Variants in ARHGAP24 observed in about 807,000 individuals in gnomAD.
ARHGAP24 encodes Rho GTPase activating protein 24.
Under a neutral mutation model 76.4 loss-of-function variants are expected in ARHGAP24, and 50 were observed. That is an observed-to-expected ratio of 0.65 (90% confidence interval 0.52 to 0.83). The LOEUF (loss-of-function observed/expected upper bound fraction) is 0.83, where lower values mean the gene tolerates loss of function less well. ARHGAP24 is among the 40% of genes least tolerant of loss of function. The pLI, the probability that ARHGAP24 is intolerant of heterozygous loss-of-function variation, is 0.00. For missense variants in ARHGAP24, 930 were observed against 914.2 expected (o/e 1.02, Z -0.22); for synonymous variants, 345 against 323.3 (o/e 1.07, Z -0.72).
At chr4:85,763,417 C>T (rs1726812008) in intron 3 of ARHGAP24, among the ~76,000 whole-genome samples, 1 of 152,064 alleles carries the variant, frequency 6.6e-6, no homozygotes, top group Non-Finnish European at 1.5e-5. Flanking sequence ...CCATTAGATC[C>T]ACCCTGGTGC....
chr4:85,839,953 G>C (rs1293099797), intron 3 of ARHGAP24, among the ~76,000 whole-genome samples: 2 of 144,468 alleles, frequency 1.4e-5, no homozygotes, highest in African/African-American at 5.1e-5. Context: ...GGGTTCAAGC[G>C]ATTCTCCTGC....
chr4:85,700,599 G>A (rs886760273), intron 2 of ARHGAP24, among the ~76,000 whole-genome samples: 8 of 152,026 alleles, frequency 5.3e-5, no homozygotes, highest in African/African-American at 1.7e-4. Context: ...ATGGTGGTTG[G>A]GGAGGTGGTG....
At chr4:85,842,655 G>C (rs1413345337) in intron 3 of ARHGAP24, among the ~76,000 whole-genome samples, 1 of 152,192 alleles carries the variant, frequency 6.6e-6, no homozygotes, top group Non-Finnish European at 1.5e-5. Context: ...ACACACGTCA[G>C]CTGTGGCAAA....
intron 8 of ARHGAP24, among the ~76,000 whole-genome samples, chr4:85,992,591 C>T (rs1159915646): frequency 6.6e-6 from 1 of 152,114 alleles, no homozygotes; most frequent in Non-Finnish European, 1.5e-5. Flanking sequence ...ATAATGGAAA[C>T]TGCAAACCTC....
chr4:85,513,159 G>A (rs1560515123), intron 1 of ARHGAP24, among the ~76,000 whole-genome samples: 1 of 152,246 alleles, frequency 6.6e-6, no homozygotes, highest in Non-Finnish European at 1.5e-5. Context: ...TCTCCATCAG[G>A]AGGCAACTCC....
intron 1 of ARHGAP24, among the ~76,000 whole-genome samples, chr4:85,529,266 A>C (rs753263697): frequency 4.5e-4 from 68 of 152,034 alleles, no homozygotes; most frequent in Non-Finnish European, 5.7e-4. Context: ...GTACATTGTG[A>C]TAATGTTGTG....
At chr4:85,805,361 GCA>G (rs1326662691) in intron 3 of ARHGAP24, among the ~76,000 whole-genome samples, 2 of 152,140 alleles carry the variant, frequency 1.3e-5, no homozygotes, top group Non-Finnish European at 2.9e-5. Context: ...CTTCTTCAGA[GCA>G]CAGTCAGGAT....
chr4:85,995,657 G>C lies in ARHGAP24; in HGVS notation c.2003G>C (p.Ser668Thr), dbSNP rs1740619371. 7 of 1,613,814 alleles carry C rather than the reference G, an allele frequency of 4.3e-6. No individual in the cohort carries two copies. Among genetic ancestry groups the C allele is most frequent in the Non-Finnish European group, 5.9e-6 (7 of 1,179,870 alleles). The change falls in exon 9 of 10, where the codon AGC (serine) becomes ACC (threonine). Residue 668 changes from serine to threonine, a missense_variant and splice_region_variant. Physicochemically the swap from Ser to Thr is moderately conservative, Grantham distance 58. Transcript: ENST00000395184. ...QKIEYESRIK[S>T]LEQRNLTLET... ...ATAGAGTATGAGTCCAGGATAAAGAGGTAAGGAAAATCTGGAGGTCGTAAC... is the reference window on the plus strand; with the variant it reads ...ATAGAGTATGAGTCCAGGATAAAGACGTAAGGAAAATCTGGAGGTCGTAAC...
chr4:85,725,874 G>A (rs565613878), intron 3 of ARHGAP24, among the ~76,000 whole-genome samples: 1 of 152,160 alleles, frequency 6.6e-6, no homozygotes, highest in Admixed American at 6.5e-5. Flanking sequence ...TTCTCCAGGG[G>A]TTATCAGCTT....
chr4:85,550,926 T>G (rs532383010), intron 1 of ARHGAP24, among the ~76,000 whole-genome samples: 23 of 152,316 alleles, frequency 1.5e-4, no homozygotes, highest in Admixed American at 9.8e-4. Context: ...CAAGGAATTT[T>G]GGGGCTGATA....
chr4:85,611,885 G>T (rs1720393439), intron 2 of ARHGAP24, among the ~76,000 whole-genome samples: 1 of 152,148 alleles, frequency 6.6e-6, no homozygotes, highest in African/African-American at 2.4e-5. Flanking sequence ...TCTTCATTCA[G>T]ATATTTAATT....
intron 3 of ARHGAP24, among the ~76,000 whole-genome samples, chr4:85,915,452 G>T (rs984404469): frequency 2.6e-5 from 4 of 152,020 alleles, no homozygotes; most frequent in Admixed American, 6.6e-5. Context: ...TTAAGTTATG[G>T]GATACATGTG....
At chr4:85,663,433 T>C (rs1722485804) in intron 2 of ARHGAP24, among the ~76,000 whole-genome samples, 1 of 148,466 alleles carries the variant, frequency 6.7e-6, no homozygotes, top group Admixed American at 6.8e-5. Flanking sequence ...GACAATGGGG[T>C]TTCCTAGATA....
At chr4:85,507,466 A>C (rs1724109200) in intron 1 of ARHGAP24, among the ~76,000 whole-genome samples, 1 of 152,298 alleles carries the variant, frequency 6.6e-6, no homozygotes, top group Non-Finnish European at 1.5e-5. Flanking sequence ...TTTGGTGCCT[A>C]GCTTATAGTA....
chr4:85,566,280 C>A (rs143929742), intron 1 of ARHGAP24, among the ~76,000 whole-genome samples: 1 of 152,152 alleles, frequency 6.6e-6, no homozygotes, highest in Non-Finnish European at 1.5e-5. Context: ...ATTTTCCCAG[C>A]GGAGATTCAG....
intron 4 of ARHGAP24, chr4:85,930,593 A>G (rs1348870625): frequency 3.8e-6 from 4 of 1,046,796 alleles, no homozygotes; most frequent in Middle Eastern, 4.6e-4. Context: ...GCAAAAACCA[A>G]TTCCTGCTGT....
chr4:85,688,775 G>A (rs1341712985), intron 2 of ARHGAP24, among the ~76,000 whole-genome samples: 1 of 152,088 alleles, frequency 6.6e-6, no homozygotes, highest in Non-Finnish European at 1.5e-5. Context: ...AAGGGGTCCA[G>A]TTTCAGTCTT....
At chr4:85,573,432 G>T (rs1727220912) in intron 2 of ARHGAP24, among the ~76,000 whole-genome samples, 1 of 152,144 alleles carries the variant, frequency 6.6e-6, no homozygotes, top group African/African-American at 2.4e-5. Context: ...CATGGTAACT[G>T]TTAATAGCAT....
intron 8 of ARHGAP24, among the ~76,000 whole-genome samples, chr4:85,993,643 C>G (rs763853250): frequency 6.6e-6 from 1 of 152,110 alleles, no homozygotes; most frequent in Non-Finnish European, 1.5e-5. Flanking sequence ...CTTTTTGCAT[C>G]ATTTTCTTCA....
Sources: allele counts gnomAD v4.1 joint callset (sites outside exome capture counted in the v4.1 genomes callset), GRCh38; gene constraint gnomAD v4.1.1; transcripts MANE v1.5; gene names NCBI Gene and HGNC (gene_info 2026-07-23, HGNC 2026-07-21).